The following LMBR1 variants were observed in gnomAD, a reference collection of about 807,000 sequenced individuals.
The protein encoded by LMBR1 is limb development membrane protein 1, also known as limb region 1 protein homolog.
In LMBR1, 52 loss-of-function variants were observed where a neutral mutation model predicts 73.9. That is an observed-to-expected ratio of 0.70 (90% CI 0.56 to 0.89). The LOEUF is 0.89. Among genes scored for constraint, LMBR1 ranks in the 40% least tolerant of loss-of-function variants. LMBR1 has a pLI of 0.00. For synonymous variants in LMBR1, 215 were observed against 209.4 expected (o/e 1.03, Z -0.23); for missense variants, 539 against 579.8 (o/e 0.93, Z 0.72).
chr7:156,726,632 C>T (rs1815817017), intron 12 of LMBR1, among the ~76,000 whole-genome samples: 1 of 152,022 alleles, frequency 6.6e-6, no homozygotes, highest in Non-Finnish European at 1.5e-5. Flanking sequence ...CTACAGTCAG[C>T]CCAATAAAAA....
chr7:156,753,097 T>C (rs1821196656), intron 9 of LMBR1, among the ~76,000 whole-genome samples: 1 of 151,798 alleles, frequency 6.6e-6, no homozygotes, highest in Admixed American at 6.6e-5. Context: ...GTAGGATGCT[T>C]GATTGTAAGA....
chr7:156,701,669 T>C (rs1001762451), intron 15 of LMBR1, among the ~76,000 whole-genome samples: 1 of 152,226 alleles, frequency 6.6e-6, no homozygotes, highest in Admixed American at 6.5e-5. Flanking sequence ...AGTTCTGGGA[T>C]ACATGTGCAG....
At chr7:156,760,085 C>T (rs148980762) in intron 8 of LMBR1, among the ~76,000 whole-genome samples, 3 of 152,110 alleles carry the variant, frequency 2.0e-5, no homozygotes, top group Non-Finnish European at 2.9e-5. Context: ...AGGTGACCAG[C>T]GAACAGATGT....
chr7:156,841,472 G>T (rs1254526671), intron 1 of LMBR1, among the ~76,000 whole-genome samples: 1 of 152,092 alleles, frequency 6.6e-6, no homozygotes, highest in Non-Finnish European at 1.5e-5. Flanking sequence ...TGAGAATAGA[G>T]ACCTAGAGCT....
At chr7:156,725,714 T>A in intron 13 of LMBR1, 50 bp downstream of exon 13, 1 of 1,532,706 alleles carries the variant, frequency 6.5e-7, no homozygotes, top group Non-Finnish European at 9.0e-7. Flanking sequence ...CCCAGAAAAC[T>A]TGGTATAAAA....
intron 9 of LMBR1, among the ~76,000 whole-genome samples, chr7:156,752,788 G>C (rs1454340347): frequency 6.6e-6 from 1 of 152,086 alleles, no homozygotes; most frequent in Non-Finnish European, 1.5e-5. Flanking sequence ...CAGGCAAGAG[G>C]GTCAGTCAGC....
intron 4 of LMBR1, among the ~76,000 whole-genome samples, chr7:156,819,993 C>T (rs905359729): frequency 1.3e-5 from 2 of 152,188 alleles, no homozygotes; most frequent in African/African-American, 4.8e-5. Context: ...ACCAATACTG[C>T]ATTCTTAGAG....
At chr7:156,709,554 G>A (rs950535326) in intron 15 of LMBR1, among the ~76,000 whole-genome samples, 15 of 152,108 alleles carry the variant, frequency 9.9e-5, no homozygotes, top group Admixed American at 5.9e-4. Flanking sequence ...GCATTCCCCC[G>A]CACCATCCCA....
At chr7:156,773,376 T>C (rs941802155) in intron 5 of LMBR1, among the ~76,000 whole-genome samples, 8 of 152,158 alleles carry the variant, frequency 5.3e-5, no homozygotes, top group Middle Eastern at 3.4e-3. Flanking sequence ...AAAGAGCCCA[T>C]ATAGTCAAAG....
chr7:156,705,837 C>G (rs1219420038), intron 15 of LMBR1, among the ~76,000 whole-genome samples: 3 of 151,956 alleles, frequency 2.0e-5, no homozygotes, highest in Admixed American at 2.0e-4. Flanking sequence ...AGAATTCCAC[C>G]AAACCACAAA....
At chr7:156,863,779 G>A (rs942361880) in intron 1 of LMBR1, among the ~76,000 whole-genome samples, 2 of 152,008 alleles carry the variant, frequency 1.3e-5, no homozygotes, top group Non-Finnish European at 2.9e-5. Flanking sequence ...TACCATTGCA[G>A]TAGGCTATAT....
At chr7:156,834,761 C>T (rs1837302875) in intron 2 of LMBR1, among the ~76,000 whole-genome samples, 2 of 151,468 alleles carry the variant, frequency 1.3e-5, no homozygotes, top group South Asian at 2.1e-4. Context: ...ATGGTCTTCA[C>T]TCACACTCTC....
intron 9 of LMBR1, among the ~76,000 whole-genome samples, chr7:156,754,443 C>T (rs1339553850): frequency 6.6e-6 from 1 of 152,110 alleles, no homozygotes; most frequent in Non-Finnish European, 1.5e-5. Context: ...TACAACTGAG[C>T]TCAGAGTAAG....
intron 1 of LMBR1, among the ~76,000 whole-genome samples, chr7:156,844,615 GAAA>G (rs71923215): frequency 1.4e-4 from 18 of 128,410 alleles, no homozygotes; most frequent in East Asian, 2.2e-4. Context: ...ACACCTGAAT[GAAA>G]AAAAAAAAAA....
chr7:156,843,826 A>G (rs1224563926), intron 1 of LMBR1, among the ~76,000 whole-genome samples: 1 of 129,076 alleles, frequency 7.7e-6, no homozygotes, highest in Non-Finnish European at 1.6e-5. Flanking sequence ...ACAGAGCAAG[A>G]CCCTGTCTCA....
Position 156,727,931 on chromosome 7 carries a change from C to T in LMBR1, c.992G>A (p.Arg331Lys), listed in dbSNP as rs1816094211. ...ACATTTTAAAGGATTTTACTTTACC[C>T]TTGTTCCTTTTGGCATTGCTGTTTC... ...VDETAMPKGT[R>K]GPGIGNASLS... The change falls in exon 12 of 17, where the codon AGG becomes AAG. Residue 331 changes from arginine to lysine, a missense_variant and splice_region_variant. Arg to Lys is a conservative substitution (Grantham distance 26). Around this residue, in one of 3 missense-constraint regions of LMBR1, gnomAD observed 454 missense variants for 473.4 expected, o/e 0.96. Coordinates refer to ENST00000353442, the MANE Select transcript of LMBR1 (RefSeq NM_022458.4). 6.2e-7 allele frequency: 1 copy of T among 1,610,004 alleles called. No individual in the cohort carries two copies. The highest frequency in any genetic ancestry group is 1.3e-5 in the African/African-American group (1 of 74,810).
intron 1 of LMBR1, among the ~76,000 whole-genome samples, chr7:156,850,895 T>A (rs1412172688): frequency 3.3e-5 from 5 of 152,206 alleles, no homozygotes; most frequent in Non-Finnish European, 5.9e-5. Flanking sequence ...TGGAGGCAGA[T>A]CCCTCATGAA....
At chr7:156,770,165 G>A (rs778467333) in intron 5 of LMBR1, among the ~76,000 whole-genome samples, 1 of 152,084 alleles carries the variant, frequency 6.6e-6, no homozygotes, top group Admixed American at 6.5e-5. Context: ...AAATGAATTT[G>A]AAATTAAACT....
intron 1 of LMBR1, among the ~76,000 whole-genome samples, chr7:156,849,377 G>A (rs2134056759): frequency 6.6e-6 from 1 of 152,218 alleles, no homozygotes; most frequent in East Asian, 1.9e-4. Flanking sequence ...GGGAGAGGAT[G>A]GAAAAACTAC....
Sources: allele counts gnomAD v4.1 joint callset (sites outside exome capture counted in the v4.1 genomes callset), GRCh38; gene constraint gnomAD v4.1.1; regional missense constraint gnomAD v4.1.1; transcripts MANE v1.5; gene names NCBI Gene and HGNC (gene_info 2026-07-23, HGNC 2026-07-21).